Variants in FRK observed in about 807,000 individuals in gnomAD.
The protein encoded by FRK is tyrosine-protein kinase FRK.
A neutral mutation model predicts 56.4 loss-of-function variants in FRK; 51 were observed. The ratio of observed to expected loss-of-function variants is 0.90; its 90% CI spans 0.72 to 1.14. FRK has a LOEUF of 1.14. FRK is among the 50% of genes most tolerant of loss of function. The probability of loss-of-function intolerance (pLI) is 0.00; values close to 1 mark genes in which losing one functional copy is unlikely to be tolerated. For missense variants in FRK, 570 were observed against 601.4 expected (o/e 0.95, Z 0.55); for synonymous variants, 245 against 217.9 (o/e 1.12, Z -1.10).
chr6:116,021,148 A>G (rs945501984), intron 1 of FRK, among the ~76,000 whole-genome samples: 8 of 151,982 alleles, frequency 5.3e-5, no homozygotes, highest in Middle Eastern at 3.4e-3. Flanking sequence ...TATTGAAAAA[A>G]TAAATATTTA....
chr6:115,933,605 C>A lies in FRK; in HGVS notation c.*8809G>T, dbSNP rs773206869. 6.6e-6 allele frequency: 1 copy of A among 152,082 alleles called. No homozygotes were observed. Among genetic ancestry groups the A allele is most frequent in the Non-Finnish European group, 1.5e-5 (1 of 68,010 alleles). The allele number at this position is 152,082 out of a possible 1,614,324, so 9.4% of individuals were successfully genotyped here. The stretch of plus-strand genomic sequence containing the variant: ...TTCTTTTCATATTTCAAAATCAGAT[C>A]TTACTTAAAAATTTATTATTATTAG... On this transcript the variant is annotated 3_prime_UTR_variant, in exon 8 of 8. Coordinates refer to ENST00000606080, the MANE Select transcript of FRK (RefSeq NM_002031.3).
In FRK at chr6:115,943,083, C is replaced by A; in HGVS notation, c.1243G>T (p.Asp415Tyr). Residue 415 changes from aspartate to tyrosine, a missense_variant, in exon 7 of 8, where the codon GAT (aspartate) becomes TAT (tyrosine). Transcript: ENST00000606080. ...AGAAGGATTCCAAATGACCATACAT[C>A]GGACTTAATGCTGAATTTATTACTA... is the stretch of plus-strand genomic sequence containing the variant. ...IRSNKFSIKSDVWSFGILLYE... is the reference protein window; with the variant it reads ...IRSNKFSIKSYVWSFGILLYE... The A allele has an allele frequency of 6.2e-7, 1 of 1,613,392 alleles. No individual in the cohort carries two copies. Among genetic ancestry groups the A allele is most frequent in the African/African-American group, 1.3e-5 (1 of 74,992 alleles).
At chr6:116,094,177 T>C in the FRK span, among the ~76,000 whole-genome samples, 1 of 152,290 alleles carries the variant, frequency 6.6e-6, no homozygotes, top group Non-Finnish European at 1.5e-5. Context: ...TCATGTCCAC[T>C]ATGCCGAGGC....
chr6:116,072,587 T>A, the FRK span, among the ~76,000 whole-genome samples: 1 of 151,388 alleles, frequency 6.6e-6, no homozygotes, highest in African/African-American at 2.4e-5. Context: ...AGAGGAAATG[T>A]GCAGTTACAC....
chr6:115,950,155 T>C (rs895921190), intron 5 of FRK, among the ~76,000 whole-genome samples: 4 of 152,046 alleles, frequency 2.6e-5, no homozygotes, highest in African/African-American at 9.7e-5. Flanking sequence ...CCAAAAGCAA[T>C]GGCAACAAAA....
At position 115,958,743 on chromosome 6, in the gene FRK, GAAAGAAAGAAAGAAAGAAAGAAAGA is replaced by G. The variant is rs1344045240; in HGVS notation, c.800-2158_800-2134del. ...AGAAAGAAAGAAAGAAAGAAAGAAA[GAAAGAAAGAAAGAAAGAAAGAAAGA>G]GGGGGGGGAAGGAGAGAGAGAAAGA... On this transcript the variant is annotated intron_variant, in intron 4 of 7. Coordinates refer to ENST00000606080, the MANE Select transcript of FRK (RefSeq NM_002031.3). Among the ~76,000 whole-genome samples, 5 of 20,076 alleles carry G rather than the reference GAAAGAAAGAAAGAAAGAAAGAAAGA, an allele frequency of 2.5e-4. 1 individual carries two copies. Among genetic ancestry groups the G allele is most frequent in the African/African-American group, 8.9e-4 (5 of 5,634 alleles). 13.2% of individuals were successfully genotyped at this position (20,076 alleles called of 152,430 possible).
At chr6:116,023,791 T>C (rs564492087) in intron 1 of FRK, among the ~76,000 whole-genome samples, 1 of 152,284 alleles carries the variant, frequency 6.6e-6, no homozygotes, top group South Asian at 2.1e-4. Flanking sequence ...AGAAATGTTC[T>C]ACATCATTAT....
intron 1 of FRK, among the ~76,000 whole-genome samples, chr6:116,055,151 A>G (rs1777341416): frequency 1.3e-5 from 2 of 152,192 alleles, no homozygotes; most frequent in Admixed American, 6.6e-5. Flanking sequence ...TTGTTTCACC[A>G]TGCTGCTTTC....
At chr6:116,057,663 T>G (rs943173836) in intron 1 of FRK, among the ~76,000 whole-genome samples, 7 of 152,124 alleles carry the variant, frequency 4.6e-5, no homozygotes, top group African/African-American at 1.7e-4. Flanking sequence ...GAAAGCTAAC[T>G]ACAGAGATCT....
intron 1 of FRK, among the ~76,000 whole-genome samples, chr6:116,022,422 C>T (rs1475394729): frequency 6.6e-6 from 1 of 152,048 alleles, no homozygotes; most frequent in Non-Finnish European, 1.5e-5. Context: ...TTTGCAACCC[C>T]TTAAAATATA....
At chr6:115,944,842 C>T (rs1334311136) in intron 5 of FRK, among the ~76,000 whole-genome samples, 3 of 151,776 alleles carry the variant, frequency 2.0e-5, no homozygotes, top group Non-Finnish European at 2.9e-5. Context: ...AGCCTAGTAC[C>T]CATTAGTTAT....
intron 2 of FRK, among the ~76,000 whole-genome samples, chr6:115,982,138 AG>A (rs1774220002): frequency 6.6e-6 from 1 of 152,110 alleles, no homozygotes; most frequent in African/African-American, 2.4e-5. Context: ...CAATCCACTG[AG>A]GCCCTGAATA....
intron 1 of FRK, among the ~76,000 whole-genome samples, chr6:116,031,242 A>G (rs1006516941): frequency 6.6e-6 from 1 of 152,168 alleles, no homozygotes; most frequent in African/African-American, 2.4e-5. Flanking sequence ...AATGCATAGA[A>G]GTAAAAAAGT....
chr6:116,067,127 C>A, the FRK span, among the ~76,000 whole-genome samples: 1 of 152,006 alleles, frequency 6.6e-6, no homozygotes, highest in Non-Finnish European at 1.5e-5. Context: ...CAACACCAAG[C>A]AAAGATACAC....
intron 1 of FRK, among the ~76,000 whole-genome samples, chr6:116,023,096 C>T (rs1435979338): frequency 6.6e-6 from 1 of 152,048 alleles, no homozygotes; most frequent in Non-Finnish European, 1.5e-5. Flanking sequence ...AAATTAAAAC[C>T]AACGTGAGAT....
intron 5 of FRK, among the ~76,000 whole-genome samples, chr6:115,956,022 C>A (rs1422587708): frequency 1.3e-5 from 2 of 152,108 alleles, no homozygotes. Flanking sequence ...TGTCAAATAC[C>A]AGCAAATAAA....
chr6:115,940,932 A>C lies in FRK; in HGVS notation c.*1482T>G, dbSNP rs570627023. 8 of 152,322 alleles carry C rather than the reference A, an allele frequency of 5.3e-5. No individual in the cohort carries two copies. The highest frequency in any genetic ancestry group is 2.1e-4 in the South Asian group (1 of 4,828). 9.4% of individuals were successfully genotyped at this position (152,322 alleles called of 1,614,324 possible). A position where few individuals can be genotyped will look rare whatever the true frequency, so the allele number is the denominator to read the frequency against. Reference sequence around the variant, plus strand: ...TAAATTAGTTCAACCATTGTGGAGGACAGTGTAGCAATTCCTCAAGGATCT... The same window carrying C: ...TAAATTAGTTCAACCATTGTGGAGGCCAGTGTAGCAATTCCTCAAGGATCT... On this transcript the variant is annotated 3_prime_UTR_variant, in exon 8 of 8. Coordinates refer to ENST00000606080, the MANE Select transcript of FRK (RefSeq NM_002031.3).
chr6:116,071,218 C>T, the FRK span, among the ~76,000 whole-genome samples: 1 of 152,084 alleles, frequency 6.6e-6, no homozygotes, highest in African/African-American at 2.4e-5. Context: ...CAAGTCATAC[C>T]TTGTTGCCTA....
chr6:115,997,269 A>G (rs1025445758), intron 2 of FRK, among the ~76,000 whole-genome samples: 4 of 152,158 alleles, frequency 2.6e-5, no homozygotes, highest in Non-Finnish European at 5.9e-5. Context: ...TTTTTCCATT[A>G]AACTATGCCA....
Sources: allele counts gnomAD v4.1 joint callset (sites outside exome capture counted in the v4.1 genomes callset), GRCh38; gene constraint gnomAD v4.1.1; transcripts MANE v1.5; gene names NCBI Gene and HGNC (gene_info 2026-07-23, HGNC 2026-07-21).